AGBL4: variants seen among roughly 807,000 people sequenced by gnomAD.
AGBL4 encodes the protein cytosolic carboxypeptidase 6.
Under a neutral mutation model 66.4 loss-of-function variants are expected in AGBL4, and 58 were observed. The ratio of observed to expected loss-of-function variants is 0.87; its 90% CI spans 0.71 to 1.09. The LOEUF (loss-of-function observed/expected upper bound fraction) is 1.09. AGBL4 is among the 50% of genes least tolerant of loss of function. The pLI is 0.00. For synonymous variants in AGBL4, 234 were observed against 222.9 expected (o/e 1.05, Z -0.44); for missense variants, 579 against 631.0 (o/e 0.92, Z 0.88).
At chr1:49,636,861 AAG>A (rs1483884552) in intron 3 of AGBL4, among the ~76,000 whole-genome samples, 1 of 152,210 alleles carries the variant, frequency 6.6e-6, no homozygotes, top group Non-Finnish European at 1.5e-5. Flanking sequence ...ATTGGATTGA[AAG>A]ATGAAAAATA....
chr1:49,248,868 T>G (rs1651838306), intron 3 of AGBL4, among the ~76,000 whole-genome samples: 1 of 152,208 alleles, frequency 6.6e-6, no homozygotes, highest in African/African-American at 2.4e-5. Flanking sequence ...ATTTAAATTT[T>G]TAACCTGAGC....
At chr1:49,283,152 C>T (rs913372822) in intron 3 of AGBL4, among the ~76,000 whole-genome samples, 1 of 152,198 alleles carries the variant, frequency 6.6e-6, no homozygotes, top group Non-Finnish European at 1.5e-5. Context: ...CAGTGGTTCT[C>T]CCAGCACGCA....
At chr1:49,911,506 T>C (rs1650827529) in intron 1 of AGBL4, among the ~76,000 whole-genome samples, 1 of 152,200 alleles carries the variant, frequency 6.6e-6, no homozygotes, top group South Asian at 2.1e-4. Flanking sequence ...GAACTTCAAA[T>C]CAACAAACTT....
At chr1:49,828,771 G>T (rs1645576630) in intron 2 of AGBL4, among the ~76,000 whole-genome samples, 1 of 152,176 alleles carries the variant, frequency 6.6e-6, no homozygotes, top group South Asian at 2.1e-4. Flanking sequence ...GAAGAAACTT[G>T]AGTGAAAGGA....
At chr1:49,590,490 A>C (rs1321505718) in intron 3 of AGBL4, among the ~76,000 whole-genome samples, 4 of 151,918 alleles carry the variant, frequency 2.6e-5, no homozygotes, top group African/African-American at 9.7e-5. Context: ...GAGGGAAAGG[A>C]AGGAAACTAA....
At chr1:48,662,684 T>G (rs576217967) in intron 7 of AGBL4, among the ~76,000 whole-genome samples, 3 of 152,344 alleles carry the variant, frequency 2.0e-5, no homozygotes, top group African/African-American at 7.2e-5. Context: ...GTGCTTACTC[T>G]TGGCAGGTAT....
intron 9 of AGBL4, among the ~76,000 whole-genome samples, chr1:48,597,728 G>T (rs1339573104): frequency 1.6e-5 from 2 of 127,092 alleles, no homozygotes; most frequent in Non-Finnish European, 3.3e-5. Context: ...GAGGGAAGGG[G>T]AGGGGAGGGG....
intron 3 of AGBL4, among the ~76,000 whole-genome samples, chr1:49,523,659 C>T (rs1228359971): frequency 1.3e-5 from 2 of 151,958 alleles, no homozygotes; most frequent in East Asian, 1.9e-4. Context: ...GATTTTAATC[C>T]TTCCATTTGA....
At chr1:48,526,203 C>T in the AGBL4 span, among the ~76,000 whole-genome samples, 2 of 152,086 alleles carry the variant, frequency 1.3e-5, no homozygotes, top group African/African-American at 4.8e-5. Flanking sequence ...CTTTTTATAA[C>T]CAGCATTAAA....
chr1:50,008,456 T>C (rs1028114643), intron 1 of AGBL4, among the ~76,000 whole-genome samples: 1 of 152,072 alleles, frequency 6.6e-6, no homozygotes, highest in African/African-American at 2.4e-5. Flanking sequence ...TTGAACATTT[T>C]CTTAAAACAA....
chr1:49,712,946 C>G (rs1345281092), intron 2 of AGBL4, among the ~76,000 whole-genome samples: 1 of 151,928 alleles, frequency 6.6e-6, no homozygotes, highest in Non-Finnish European at 1.5e-5. Flanking sequence ...AAGCACAGAA[C>G]AAACATTCAA....
intron 1 of AGBL4, among the ~76,000 whole-genome samples, chr1:49,982,653 T>TA (rs1262225468): frequency 6.6e-6 from 1 of 152,156 alleles, no homozygotes; most frequent in Non-Finnish European, 1.5e-5. Flanking sequence ...AGTGGGGACT[T>TA]ACGGTGCTTT....
At chr1:49,088,292 G>A (rs1644942751) in intron 4 of AGBL4, among the ~76,000 whole-genome samples, 1 of 152,136 alleles carries the variant, frequency 6.6e-6, no homozygotes, top group Non-Finnish European at 1.5e-5. Flanking sequence ...AGAGTTGCGA[G>A]TTGCATAACG....
At chr1:49,469,680 T>G (rs2148710536) in intron 3 of AGBL4, 1 of 151,968 alleles carries the variant, frequency 6.6e-6, no homozygotes, top group Non-Finnish European at 1.5e-5. Context: ...AAAATGAAAT[T>G]TACAGAAAGT....
At chr1:48,814,470 C>G (rs190155728) in intron 6 of AGBL4, among the ~76,000 whole-genome samples, 1 of 152,114 alleles carries the variant, frequency 6.6e-6, no homozygotes, top group South Asian at 2.1e-4. Flanking sequence ...CATTCAATAT[C>G]ATTGTTCTAG....
At chr1:48,854,338 C>A (rs1294230486) in intron 6 of AGBL4, among the ~76,000 whole-genome samples, 1 of 152,186 alleles carries the variant, frequency 6.6e-6, no homozygotes, top group Non-Finnish European at 1.5e-5. Flanking sequence ...GCTGCCTGCT[C>A]CCAAGATCCT....
chr1:49,538,023 T>A (rs528564131), intron 3 of AGBL4, among the ~76,000 whole-genome samples: 1 of 151,904 alleles, frequency 6.6e-6, no homozygotes. Flanking sequence ...ACAACCTCTA[T>A]GGACACCTGT....
chr1:49,716,946 A>G (rs1290442304), intron 2 of AGBL4, among the ~76,000 whole-genome samples: 2 of 152,118 alleles, frequency 1.3e-5, no homozygotes, highest in African/African-American at 4.8e-5. Context: ...GGCAAGAGAA[A>G]GAAATAAAGG....
In AGBL4 at chr1:49,732,649, A is replaced by C. The variant is rs546952863; in HGVS notation, c.158-35212T>G. Among the ~76,000 whole-genome samples, 9 of 152,312 alleles carry C rather than the reference A, an allele frequency of 5.9e-5. No homozygotes were observed. The South Asian group carries it at 1.7e-3, about 28-fold the overall frequency. Reference sequence around the variant, plus strand: ...ATAACTAGAATAAAAATTCAGTAGAAAGGATAAACAGTAGATTTGAGGTGA... The same window carrying C: ...ATAACTAGAATAAAAATTCAGTAGACAGGATAAACAGTAGATTTGAGGTGA... On this transcript the variant is annotated intron_variant, in intron 2 of 13. Coordinates refer to ENST00000371839, the MANE Select transcript of AGBL4 (RefSeq NM_032785.4).
Sources: gnomAD v4.1 joint callset for allele counts (sites outside exome capture counted in the v4.1 genomes callset) on GRCh38, gnomAD v4.1.1 for gene constraint, MANE v1.5 for transcripts, NCBI Gene and HGNC (gene_info 2026-07-23, HGNC 2026-07-21) for gene names.